The following TERF2 variants were observed in gnomAD, a reference collection of about 807,000 sequenced individuals.
TERF2 encodes the protein telomeric repeat binding factor 2, also known as telomeric repeat-binding factor 2.
In TERF2, 16 loss-of-function variants were observed where a neutral mutation model predicts 56.1. The ratio of observed to expected loss-of-function variants is 0.29; its 90% CI spans 0.19 to 0.43. The LOEUF is 0.43. Among genes scored for constraint, TERF2 ranks in the 20% least tolerant of loss-of-function variants. TERF2 has a pLI of 1.00. For synonymous variants in TERF2, 296 were observed against 282.1 expected, an observed-to-expected ratio of 1.05 and a Z score of -0.50; for missense variants, 547 against 712.9, an observed-to-expected ratio of 0.77 and a Z score of 2.65.
chr16:69,385,456 T>C lies in TERF2; in HGVS notation c.410A>G (p.His137Arg). 1 of 1,614,120 alleles carries C rather than the reference T, an allele frequency of 6.2e-7. No individual in the cohort carries two copies. The highest frequency in any genetic ancestry group is 8.5e-7 in the Non-Finnish European group (1 of 1,180,014). ...ALLVRPLGKE[H>R]TVSRLLRVMQ... ...AACCCGCAGCAATCGGGACACGGTG[T>C]GCTCCTTCCCCAAGGGCCTGACAAG... The change falls in exon 2 of 10, where the codon CAC becomes CGC. Residue 137 changes from histidine (H) to arginine (R), a missense_variant. Coordinates refer to ENST00000254942, the MANE Select transcript of TERF2 (RefSeq NM_005652.5).
chr16:69,384,736 T>C (rs2014126604), intron 2 of TERF2, 26 bp from the exon 3 acceptor site: 2 of 1,565,352 alleles, frequency 1.3e-6, no homozygotes, highest in Admixed American at 3.9e-5. Flanking sequence ...GTTTTCATTT[T>C]TAAGCTCTTT....
At chr16:69,377,498 T>C (rs1320118862) in intron 3 of TERF2, among the ~76,000 whole-genome samples, 5 of 152,110 alleles carry the variant, frequency 3.3e-5, no homozygotes, top group African/African-American at 1.2e-4. Context: ...CAGCTAATTT[T>C]TGTATTTTTA....
chr16:69,355,838 C>CA lies in TERF2; in HGVS notation c.*1059_*1060insT, dbSNP rs139966848. On this transcript the variant is annotated 3_prime_UTR_variant, in exon 10 of 10. Transcript: ENST00000254942. The stretch of plus-strand genomic sequence containing the variant: ...ATGAAATTAGGCATTTATATTCAAT[C>CA]GGATTTTTTTTAAGCTTTAAAAGTC... The CA allele has an allele frequency of 0.037, 5,914 of 161,646 alleles. 386 individuals carry two copies. Among genetic ancestry groups the CA allele is most frequent in the African/African-American group, 0.13 (5,602 of 41,532 alleles). The allele number at this position is 161,646 out of a possible 1,614,324, so 10.0% of individuals were successfully genotyped here. A position where few individuals can be genotyped will look rare whatever the true frequency, so the allele number is the denominator to read the frequency against.
At chr16:69,384,090 T>A (rs1597263691) in intron 3 of TERF2, among the ~76,000 whole-genome samples, 1 of 152,330 alleles carries the variant, frequency 6.6e-6, no homozygotes, top group South Asian at 2.1e-4. Context: ...CTTCTACCAT[T>A]ACTATTTTGC....
At chr16:69,365,853 A>G (rs1462998957) in intron 7 of TERF2, 1 of 152,232 alleles carries the variant, frequency 6.6e-6, no homozygotes, top group African/African-American at 2.4e-5. Flanking sequence ...AAGAGAGGCA[A>G]CTTGTTGTAT....
At position 69,355,927 on chromosome 16, in the gene TERF2, T is replaced by C. The variant is rs2012880310; in HGVS notation, c.*971A>G. 1 of 174,690 alleles carries C rather than the reference T, an allele frequency of 5.7e-6. No individual in the cohort carries two copies. Among genetic ancestry groups the C allele is most frequent in the Admixed American group, 6.1e-5 (1 of 16,426 alleles). The allele number at this position is 174,690 out of a possible 1,614,324, so 10.8% of individuals were successfully genotyped here. A position where few individuals can be genotyped will look rare whatever the true frequency, so the allele number is the denominator to read the frequency against. ...AGGGGGCAGGGGATCAGGGAACTAA[T>C]CTTATCTACAATCACCATTTTACCA... On this transcript the variant is annotated 3_prime_UTR_variant, in exon 10 of 10. Transcript: ENST00000254942.
At position 69,356,018 on chromosome 16, in the gene TERF2, T is replaced by C. The variant is rs751280171; in HGVS notation, c.*880A>G. On this transcript the variant is annotated 3_prime_UTR_variant, in exon 10 of 10. Transcript: ENST00000254942. ...ACCTGCCTACATAGCCCAGCAGATG[T>C]TGACAGCAAATGCCAAGGCAGACAG... 2.9e-4 allele frequency: 91 copies of C among 309,998 alleles called. No individual in the cohort carries two copies. Among genetic ancestry groups the C allele is most frequent in the African/African-American group, 1.5e-3 (66 of 45,372 alleles). 19.2% of individuals were successfully genotyped at this position (309,998 alleles called of 1,614,324 possible).
intron 5 of TERF2, 75 bp from the exon 6 acceptor site, chr16:69,368,557 T>C: frequency 6.3e-7 from 1 of 1,583,304 alleles, no homozygotes; most frequent in Non-Finnish European, 8.6e-7. Flanking sequence ...TCACCAAGAA[T>C]ATACTCAATA....
Position 69,370,509 on chromosome 16 carries a change from C to G in TERF2, c.814G>C (p.Asp272His), listed in dbSNP as rs776338250. Residue 272 changes from aspartate (D) to histidine (H), a missense_variant, in exon 5 of 10, where the codon GAT becomes CAT. Around this residue, in one of 6 missense-constraint regions of TERF2, gnomAD observed 97 missense variants for 157.0 expected, o/e 0.62. Transcript: ENST00000254942. The stretch of plus-strand genomic sequence containing the variant: ...GTGAGGAGGTAGGGCTCGGCGTCAT[C>G]CAGGTGGCTCTCCAGGAAGCGCAGC... ...KMLRFLESHL[D>H]DAEPYLLTMA... 5 of 1,614,176 alleles carry G rather than the reference C, an allele frequency of 3.1e-6. No individual in the cohort carries two copies. Among genetic ancestry groups the G allele is most frequent in the Non-Finnish European group, 4.2e-6 (5 of 1,180,044 alleles).
At chr16:69,374,683 A>T (rs2013706188) in intron 3 of TERF2, among the ~76,000 whole-genome samples, 1 of 123,490 alleles carries the variant, frequency 8.1e-6, no homozygotes, top group Non-Finnish European at 1.6e-5. Context: ...AAAAAAAAAA[A>T]AGGGCCAGGC....
intron 2 of TERF2, 129 bp downstream of exon 2, chr16:69,385,262 G>A (rs1314502105): frequency 4.0e-6 from 3 of 758,770 alleles, no homozygotes; most frequent in Admixed American, 2.5e-5. Context: ...CAGACCCATC[G>A]TAGAATGAAA....
Position 69,356,164 on chromosome 16 carries a change from G to A in TERF2, c.*734C>T, listed in dbSNP as rs1030508588. The A allele has an allele frequency of 2.2e-6, 1 of 454,294 alleles. No homozygotes were observed. Among genetic ancestry groups the A allele is most frequent in the Non-Finnish European group, 4.4e-6 (1 of 226,090 alleles). 28.1% of individuals were successfully genotyped at this position (454,294 alleles called of 1,614,324 possible). The stretch of plus-strand genomic sequence containing the variant: ...AAGTTCCTTTGCATTTGCATCAGAA[G>A]GCCAGAACTTGACGTGGAACAAATT... On this transcript the variant is annotated 3_prime_UTR_variant, in exon 10 of 10. Transcript: ENST00000254942.
Position 69,356,152 on chromosome 16 carries a change from T to G in TERF2, c.*746A>C. 1 of 451,310 alleles carries G rather than the reference T, an allele frequency of 2.2e-6. No homozygotes were observed. Among genetic ancestry groups the G allele is most frequent in the South Asian group, 1.6e-5 (1 of 63,606 alleles). The allele number at this position is 451,310 out of a possible 1,614,324, so 28.0% of individuals were successfully genotyped here. On this transcript the variant is annotated 3_prime_UTR_variant, in exon 10 of 10. Coordinates refer to ENST00000254942, the MANE Select transcript of TERF2 (RefSeq NM_005652.5). Reference sequence around the variant, plus strand: ...TCATAACAGACTAAGTTCCTTTGCATTTGCATCAGAAGGCCAGAACTTGAC... The same window carrying G: ...TCATAACAGACTAAGTTCCTTTGCAGTTGCATCAGAAGGCCAGAACTTGAC...
At chr16:69,376,331 C>A (rs1290612569) in intron 3 of TERF2, among the ~76,000 whole-genome samples, 1 of 152,150 alleles carries the variant, frequency 6.6e-6, no homozygotes, top group African/African-American at 2.4e-5. Flanking sequence ...ATAGCCTTCA[C>A]ATCTTTGTCA....
chr16:69,372,121 T>G (rs543194514), intron 4 of TERF2, 148 bp downstream of exon 4: 1 of 536,338 alleles, frequency 1.9e-6, no homozygotes, highest in South Asian at 2.7e-5. Flanking sequence ...TGAGTTATCT[T>G]GGATATAAAA....
At chr16:69,376,543 A>G (rs1047911638) in intron 3 of TERF2, among the ~76,000 whole-genome samples, 1 of 152,094 alleles carries the variant, frequency 6.6e-6, no homozygotes, top group Non-Finnish European at 1.5e-5. Flanking sequence ...GCCAGTCTGT[A>G]TCTATAGAAA....
At position 69,356,237 on chromosome 16, in the gene TERF2, AC is replaced by A. The variant is rs1419382879; in HGVS notation, c.*660del. 1.1e-5 allele frequency: 5 copies of A among 455,036 alleles called. No homozygotes were observed. The highest frequency in any genetic ancestry group is 2.2e-5 in the Non-Finnish European group (5 of 226,526). 28.2% of individuals were successfully genotyped at this position (455,036 alleles called of 1,614,324 possible). ...GCTGGTTTTAACAGGTCATGGAGTC[AC>A]AAGTGGCTCCTAATAGACTTCACCA... On this transcript the variant is annotated 3_prime_UTR_variant, in exon 10 of 10. Transcript: ENST00000254942.
rs367862121 is a variant in TERF2 at position 69,361,375 on chromosome 16, G to A, written c.1426+29C>T. The stretch of plus-strand genomic sequence containing the variant: ...GCATCTGTACTTCAGCAAGCATCAA[G>A]AAGAGGCCAAGGAGAATCTTCTGCT... On this transcript the variant is annotated intron_variant, in intron 8 of 9. Coordinates refer to ENST00000254942, the MANE Select transcript of TERF2 (RefSeq NM_005652.5). 5 of 1,516,922 alleles carry A rather than the reference G, an allele frequency of 3.3e-6. No homozygotes were observed. In the South Asian group the frequency reaches 5.6e-5, roughly 17 times the overall value. The allele number at this position is 1,516,922 out of a possible 1,614,324, so 94.0% of individuals were successfully genotyped here. A position where few individuals can be genotyped will look rare whatever the true frequency, so the allele number is the denominator to read the frequency against.
chr16:69,383,203 T>G (rs2014068237), intron 3 of TERF2, among the ~76,000 whole-genome samples: 1 of 152,184 alleles, frequency 6.6e-6, no homozygotes, highest in Non-Finnish European at 1.5e-5. Context: ...ATCCGAAATC[T>G]GAAATGCTCC....
Sources: gnomAD v4.1 joint callset for allele counts (sites outside exome capture counted in the v4.1 genomes callset) on GRCh38, gnomAD v4.1.1 for gene constraint, gnomAD v4.1.1 regional missense constraint, MANE v1.5 for transcripts, NCBI Gene and HGNC (gene_info 2026-07-23, HGNC 2026-07-21) for gene names.